The following EBNA1BP2 variants were observed in gnomAD, a reference collection of about 807,000 sequenced individuals.
EBNA1BP2 encodes the protein probable rRNA-processing protein EBP2.
In EBNA1BP2, 36 loss-of-function variants were observed where a neutral mutation model predicts 43.5. That is an observed-to-expected ratio of 0.83 (90% confidence interval 0.63 to 1.09). EBNA1BP2 has a LOEUF of 1.09. EBNA1BP2 is among the 50% of genes least tolerant of loss of function. EBNA1BP2 has a pLI of 0.00. For missense variants in EBNA1BP2, 332 were observed against 379.1 expected (o/e 0.88, Z 1.03); for synonymous variants, 127 against 141.3 (o/e 0.90, Z 0.72).
Position 43,164,719 on chromosome 1 carries a change from T to C in EBNA1BP2, c.794A>G (p.Tyr265Cys), listed in dbSNP as rs1001513304. ...GGCCCGGAAGCTAGATACATCATCA[T>C]AGCTCTCCCGAGTGTTCCACTTTGA... Reference protein sequence around the residue: ...KGSKWNTRESYDDVSSFRAKT... With the variant: ...KGSKWNTRESCDDVSSFRAKT... The change falls in exon 8 of 9, where the codon TAT (tyrosine) becomes TGT (cysteine). Residue 265 changes from tyrosine to cysteine, a missense_variant. Tyr to Cys is a radical substitution (Grantham distance 194, BLOSUM62 -2). This residue lies in a region of EBNA1BP2 where 59 missense variants were observed against 53.3 expected (regional missense o/e 1.11). Transcript: ENST00000236051. 1.2e-6 allele frequency: 2 copies of C among 1,614,118 alleles called. No individual in the cohort carries two copies. Among genetic ancestry groups the C allele is most frequent in the African/African-American group, 1.3e-5 (1 of 74,944 alleles).
At chr1:43,166,707 A>G in intron 7 of EBNA1BP2, 119 bp downstream of exon 7, 2 of 984,356 alleles carry the variant, frequency 2.0e-6, no homozygotes, top group Non-Finnish European at 3.0e-6. Flanking sequence ...CCCAGGCAGC[A>G]GCTGCACTCT....
chr1:43,167,679 G>A (rs368851035), intron 5 of EBNA1BP2, among the ~76,000 whole-genome samples: 3 of 152,106 alleles, frequency 2.0e-5, no homozygotes, highest in East Asian at 1.9e-4. Context: ...AGGCATGAAA[G>A]TACCAAAAGG....
Position 43,171,875 on chromosome 1 carries a change from C to T in EBNA1BP2, c.150+11G>A. On this transcript the variant is annotated intron_variant, in intron 2 of 8. Transcript: ENST00000236051. ...ATGTCCGAGTACCCCCGACCCTGTG[C>T]CCACGCTCACCACGTCGTTCACGGC... The T allele has an allele frequency of 1.9e-6, 3 of 1,613,484 alleles. No homozygotes were observed. Among genetic ancestry groups the T allele is most frequent in the South Asian group, 2.2e-5 (2 of 91,004 alleles).
At chr1:43,170,989 C>A (rs1644960163) in intron 3 of EBNA1BP2, 110 bp from the exon 4 acceptor site, 6 of 1,406,208 alleles carry the variant, frequency 4.3e-6, no homozygotes, top group Non-Finnish European at 5.6e-6. Context: ...AAAATCTGAC[C>A]TCCATTAGCA....
intron 5 of EBNA1BP2, among the ~76,000 whole-genome samples, chr1:43,168,226 C>A (rs1353270485): frequency 1.3e-5 from 2 of 152,170 alleles, no homozygotes; most frequent in Non-Finnish European, 2.9e-5. Context: ...CAAACGTGGA[C>A]AAGAGTTCTG....
rs530315279 is a variant in EBNA1BP2 at position 43,168,849 on chromosome 1, C to G, written c.537+90G>C. ...TAAATACATGATCAACACACAGTTCCGTTCAGTTCAGGGGACCAAGTCAGA... is the reference window on the plus strand; with the variant it reads ...TAAATACATGATCAACACACAGTTCGGTTCAGTTCAGGGGACCAAGTCAGA... On this transcript the variant is annotated intron_variant, in intron 5 of 8. Transcript: ENST00000236051. 2.4e-6 allele frequency: 3 copies of G among 1,243,500 alleles called. No individual in the cohort carries two copies. In the African/African-American group the frequency reaches 4.4e-5, roughly 18 times the overall value. The allele number at this position is 1,243,500 out of a possible 1,614,324, so 77.0% of individuals were successfully genotyped here.
At chr1:43,169,388 A>G (rs1644939791) in intron 4 of EBNA1BP2, among the ~76,000 whole-genome samples, 1 of 152,212 alleles carries the variant, frequency 6.6e-6, no homozygotes, top group Non-Finnish European at 1.5e-5. Context: ...CCACATACAC[A>G]ATAAAAACCC....
intron 4 of EBNA1BP2, among the ~76,000 whole-genome samples, chr1:43,170,185 T>C (rs1460044103): frequency 6.6e-6 from 1 of 152,210 alleles, no homozygotes; most frequent in Non-Finnish European, 1.5e-5. Flanking sequence ...CAAATTTTTT[T>C]CCCCAATATT....
chr1:43,171,792 C>G, intron 2 of EBNA1BP2, 94 bp downstream of exon 2: 1 of 1,573,342 alleles, frequency 6.4e-7, no homozygotes, highest in Non-Finnish European at 8.7e-7. Flanking sequence ...GCGCAGGGTG[C>G]ATCTTTCCTG....
chr1:43,169,112 T>G (rs1644936645), intron 4 of EBNA1BP2, 84 bp from the exon 5 acceptor site: 6 of 1,377,498 alleles, frequency 4.4e-6, no homozygotes, highest in African/African-American at 1.4e-5. Context: ...GGAACAGATA[T>G]TCCCTGTTCT....
At chr1:43,167,345 T>C in intron 5 of EBNA1BP2, 110 bp from the exon 6 acceptor site, 1 of 1,039,030 alleles carries the variant, frequency 9.6e-7, no homozygotes, top group Non-Finnish European at 1.5e-6. Context: ...TGACATTTAC[T>C]ACGTGCCAAA....
intron 6 of EBNA1BP2, 115 bp downstream of exon 6, chr1:43,167,045 C>T: frequency 6.7e-7 from 1 of 1,490,164 alleles, no homozygotes; most frequent in Non-Finnish European, 9.3e-7. Context: ...CAACACCATT[C>T]CCAAAACTTT....
chr1:43,171,356 G>A, intron 3 of EBNA1BP2, 123 bp downstream of exon 3: 3 of 1,235,962 alleles, frequency 2.4e-6, no homozygotes, highest in South Asian at 1.8e-5. Flanking sequence ...GCTATTCTTA[G>A]TCAAAAGAAG....
At chr1:43,169,249 T>A (rs1644938582) in intron 4 of EBNA1BP2, among the ~76,000 whole-genome samples, 1 of 152,180 alleles carries the variant, frequency 6.6e-6, no homozygotes, top group African/African-American at 2.4e-5. Context: ...GCTCCCAGTG[T>A]GCTGTCTGTT....
intron 4 of EBNA1BP2, 123 bp from the exon 5 acceptor site, chr1:43,169,151 T>C (rs1220147670): frequency 1.9e-6 from 2 of 1,026,370 alleles, no homozygotes; most frequent in African/African-American, 1.6e-5. Context: ...AAATCATCAG[T>C]TCCAACCCCT....
chr1:43,172,048 C>A lies in EBNA1BP2; in HGVS notation c.66+5G>T, dbSNP rs1644984727. 6.2e-7 allele frequency: 1 copy of A among 1,614,142 alleles called. No individual in the cohort carries two copies. Among genetic ancestry groups the A allele is most frequent in the Admixed American group, 1.7e-5 (1 of 60,014 alleles). On this transcript the variant is annotated splice_donor_5th_base_variant and intron_variant, in intron 1 of 8. Coordinates refer to ENST00000236051, the MANE Select transcript of EBNA1BP2 (RefSeq NM_006824.3). ...CCCAGCCCCACGAGCTCGGCTGACA[C>A]CTACCTCTCTGTCTGTGACAAGGGA...
In EBNA1BP2 at chr1:43,171,494, TG is replaced by T. The variant is rs1644970372; in HGVS notation, c.307del (p.Gln103SerfsTer4). On this transcript the variant is annotated frameshift_variant, in exon 3 of 9. Coordinates refer to ENST00000236051, the MANE Select transcript of EBNA1BP2 (RefSeq NM_006824.3). LOFTEE classifies it high-confidence loss of function. ...ACAAACATACAAACTCATCTCTCGC[TG>T]GAAGTCGTCTTCTGGATCAACAGCT... ...QKAVDPEDDF[Q>X]REMSFYRQAQ... 16 of 1,610,162 alleles carry T rather than the reference TG, an allele frequency of 9.9e-6. No homozygotes were observed. The highest frequency in any genetic ancestry group is 1.3e-5 in the Non-Finnish European group (15 of 1,178,606).
Position 43,166,922 on chromosome 1 carries a change from G to GT in EBNA1BP2, c.614-4dup. ...GAAATCCAGTTTATCAGAGAAGCCT[G>GT]TAAGTGAAGAAGTAGTTTTGATCAG... On this transcript the variant is annotated splice_region_variant and splice_polypyrimidine_tract_variant and intron_variant, in intron 6 of 8. Transcript: ENST00000236051. 6.2e-7 allele frequency: 1 copy of GT among 1,611,798 alleles called. No individual in the cohort carries two copies. Among genetic ancestry groups the GT allele is most frequent in the Non-Finnish European group, 8.5e-7 (1 of 1,179,308 alleles).
intron 8 of EBNA1BP2, 56 bp from the exon 9 acceptor site, chr1:43,164,549 G>A (rs563104383): frequency 1.2e-6 from 2 of 1,614,010 alleles, no homozygotes; most frequent in South Asian, 2.2e-5. Flanking sequence ...TCTGCCCCAG[G>A]GTGAGGACGA....
Sources: allele counts gnomAD v4.1 joint callset (sites outside exome capture counted in the v4.1 genomes callset), GRCh38; gene constraint gnomAD v4.1.1; regional missense constraint gnomAD v4.1.1; transcripts MANE v1.5; gene names NCBI Gene and HGNC (gene_info 2026-07-23, HGNC 2026-07-21).